The following SULT1B1 variants were observed in gnomAD, a reference collection of about 807,000 sequenced individuals.
The protein encoded by SULT1B1 is sulfotransferase 1B1.
A neutral mutation model predicts 34.6 loss-of-function variants in SULT1B1; 28 were observed. The ratio of observed to expected loss-of-function variants is 0.81; its 90% confidence interval spans 0.60 to 1.11. The LOEUF is 1.11. Among genes scored for constraint, SULT1B1 ranks in the 50% least tolerant of loss-of-function variants. The probability of loss-of-function intolerance (pLI) is 0.00; values close to 1 mark genes in which losing one functional copy is unlikely to be tolerated. For synonymous variants in SULT1B1, 147 were observed against 110.2 expected (o/e 1.33, Z -2.09); for missense variants, 374 against 352.2 (o/e 1.06, Z -0.50).
Position 69,726,539 on chromosome 4 carries a change from A to G in SULT1B1, c.*549T>C, listed in dbSNP as rs1318012036. The G allele has an allele frequency of 6.6e-6, 1 of 151,980 alleles. No individual in the cohort carries two copies. The highest frequency in any genetic ancestry group is 1.9e-4 in the East Asian group (1 of 5,164). 9.4% of individuals were successfully genotyped at this position (151,980 alleles called of 1,614,324 possible). A position where few individuals can be genotyped will look rare whatever the true frequency, so the allele number is the denominator to read the frequency against. On this transcript the variant is annotated 3_prime_UTR_variant, in exon 8 of 8. Coordinates refer to ENST00000310613, the MANE Select transcript of SULT1B1 (RefSeq NM_014465.4). ...ATAGAAAAAAGATTTCCAAAATCTG[A>G]ACTACATGATCGGGGACATGAACTT...
At chr4:69,743,493 C>A (rs1718630854) in intron 4 of SULT1B1, among the ~76,000 whole-genome samples, 1 of 152,176 alleles carries the variant, frequency 6.6e-6, no homozygotes, top group Non-Finnish European at 1.5e-5. Flanking sequence ...GACCAGCAGC[C>A]CAGCTCCCAG....
intron 7 of SULT1B1, among the ~76,000 whole-genome samples, 196 bp from the exon 8 acceptor site, chr4:69,727,396 A>G (rs1396196256): frequency 6.6e-6 from 1 of 152,024 alleles, no homozygotes; most frequent in Non-Finnish European, 1.5e-5. Context: ...ACATCTGGAA[A>G]GGTGGTTTAT....
chr4:69,746,515 T>C (rs1718751168), intron 4 of SULT1B1, among the ~76,000 whole-genome samples: 1 of 152,238 alleles, frequency 6.6e-6, no homozygotes, highest in Non-Finnish European at 1.5e-5. Context: ...TCCCATTGTA[T>C]TATGAAGTTC....
At chr4:69,759,134 A>G (rs1050041890) in intron 1 of SULT1B1, among the ~76,000 whole-genome samples, 1 of 152,244 alleles carries the variant, frequency 6.6e-6, no homozygotes, top group Non-Finnish European at 1.5e-5. Context: ...TGCTTCATGT[A>G]TATGATCTCT....
intron 4 of SULT1B1, among the ~76,000 whole-genome samples, chr4:69,736,250 C>A (rs1718304399): frequency 6.6e-6 from 1 of 152,142 alleles, no homozygotes; most frequent in Admixed American, 6.6e-5. Flanking sequence ...GTGCTCTGCA[C>A]CTGTAAATAA....
At position 69,721,887 on chromosome 4, in the gene SULT1B1, T is replaced by G. The variant is rs1408772076; in HGVS notation, c.*5201A>C. 6.6e-6 allele frequency: 1 copy of G among 152,124 alleles called. No homozygotes were observed. The highest frequency in any genetic ancestry group is 1.5e-5 in the Non-Finnish European group (1 of 67,964). 9.4% of individuals were successfully genotyped at this position (152,124 alleles called of 1,614,324 possible). On this transcript the variant is annotated 3_prime_UTR_variant, in exon 8 of 8. Coordinates refer to ENST00000310613, the MANE Select transcript of SULT1B1 (RefSeq NM_014465.4). Reference sequence around the variant, plus strand: ...ACATCATGGTTCTGTTAGAGAAAGATTGTAATATGAGATTATTTTAAGTGT... The same window carrying G: ...ACATCATGGTTCTGTTAGAGAAAGAGTGTAATATGAGATTATTTTAAGTGT...
At position 69,734,879 on chromosome 4, in the gene SULT1B1, T is replaced by C. The variant is rs954487745; in HGVS notation, c.376-615A>G. On this transcript the variant is annotated intron_variant, in intron 4 of 7. Transcript: ENST00000310613. ...TGTCGCCCAGGCTGGAGTGCAGTGG[T>C]GCGATCTCAGCTCACTGCAAGCTCC... Among the ~76,000 whole-genome samples, 50 of 148,496 alleles carry C rather than the reference T, an allele frequency of 3.4e-4. No individual in the cohort carries two copies. In the East Asian group the frequency reaches 4.8e-3, roughly 14 times the overall value.
chr4:69,754,703 A>G lies in SULT1B1; in HGVS notation c.244T>C (p.Leu82=). 1 of 1,613,370 alleles carries G rather than the reference A, an allele frequency of 6.2e-7. No homozygotes were observed. Among genetic ancestry groups the G allele is most frequent in the East Asian group, 2.2e-5 (1 of 44,758 alleles). ...RGFITEKVPM[L]EMTLPGLRTS... ...CTTAATCCAGGGAGAGTCATTTCCA[A>G]CATTGGAACTTTTTCAGTAATAAAA... The change falls in exon 3 of 8, where the codon TTG becomes CTG. Residue 82 remains leucine (L), a synonymous_variant. Coordinates refer to ENST00000310613, the MANE Select transcript of SULT1B1 (RefSeq NM_014465.4).
chr4:69,747,570 C>A (rs1382042574), intron 4 of SULT1B1, among the ~76,000 whole-genome samples: 2 of 152,168 alleles, frequency 1.3e-5, no homozygotes, highest in Non-Finnish European at 2.9e-5. Flanking sequence ...GCTAAAGCCA[C>A]CTAAAGAAAT....
Position 69,724,986 on chromosome 4 carries a change from A to T in SULT1B1, c.*2102T>A, listed in dbSNP as rs1717760383. 1.3e-5 allele frequency: 2 copies of T among 152,190 alleles called. No individual in the cohort carries two copies. The highest frequency in any genetic ancestry group is 4.1e-4 in the South Asian group (2 of 4,832). The allele number at this position is 152,190 out of a possible 1,614,324, so 9.4% of individuals were successfully genotyped here. A position where few individuals can be genotyped will look rare whatever the true frequency, so the allele number is the denominator to read the frequency against. Reference sequence around the variant, plus strand: ...GCAAGGACTTCATGTCTAAAACACCAAAAGCAATGGCAACAAAAGCCAAAA... The same window carrying T: ...GCAAGGACTTCATGTCTAAAACACCTAAAGCAATGGCAACAAAAGCCAAAA... On this transcript the variant is annotated 3_prime_UTR_variant, in exon 8 of 8. Transcript: ENST00000310613.
Position 69,723,369 on chromosome 4 carries a change from A to G in SULT1B1, c.*3719T>C, listed in dbSNP as rs1310719277. 3 of 152,126 alleles carry G rather than the reference A, an allele frequency of 2.0e-5. No individual in the cohort carries two copies. Among genetic ancestry groups the G allele is most frequent in the Middle Eastern group, 3.2e-3 (1 of 316 alleles). The allele number at this position is 152,126 out of a possible 1,614,324, so 9.4% of individuals were successfully genotyped here. On this transcript the variant is annotated 3_prime_UTR_variant, in exon 8 of 8. Transcript: ENST00000310613. ...ATAGAAAAATAACATGCTCTGAAAT[A>G]GAGGCAATAATTAATAGCTTACCAA...
Position 69,730,598 on chromosome 4 carries a change from G to A in SULT1B1, c.681C>T (p.His227=). 3.7e-6 allele frequency: 6 copies of A among 1,613,196 alleles called. No homozygotes were observed. The highest frequency in any genetic ancestry group is 5.1e-6 in the Non-Finnish European group (6 of 1,179,516). ...NDEILDRIIH[H]TSFEVMKDNP... is the part of the protein sequence containing the mutation. Reference sequence around the variant, plus strand: ...TGTCCTTCATCACTTCAAATGAGGTGTGATGGATGATCCTATCCAAGATCT... The same window carrying A: ...TGTCCTTCATCACTTCAAATGAGGTATGATGGATGATCCTATCCAAGATCT... Residue 227 remains histidine (H), a synonymous_variant, in exon 7 of 8, where the codon CAC becomes CAT. Coordinates refer to ENST00000310613, the MANE Select transcript of SULT1B1 (RefSeq NM_014465.4).
In SULT1B1 at chr4:69,727,010, C is replaced by A. The variant is rs1232126799; in HGVS notation, c.*78G>T. 3 of 1,002,080 alleles carry A rather than the reference C, an allele frequency of 3.0e-6. No homozygotes were observed. Among genetic ancestry groups the A allele is most frequent in the Non-Finnish European group, 2.9e-6 (2 of 694,132 alleles). 62.1% of individuals were successfully genotyped at this position (1,002,080 alleles called of 1,614,324 possible). On this transcript the variant is annotated 3_prime_UTR_variant, in exon 8 of 8. Transcript: ENST00000310613. Reference sequence around the variant, plus strand: ...TCCTTTATAAATTCATTTGATTGCCCAAATCAATTCATAACTGCCCTCGTT... The same window carrying A: ...TCCTTTATAAATTCATTTGATTGCCAAAATCAATTCATAACTGCCCTCGTT...
chr4:69,726,046 A>T lies in SULT1B1; in HGVS notation c.*1042T>A, dbSNP rs1717825080. 1 of 73,484 alleles carries T rather than the reference A, an allele frequency of 1.4e-5. No individual in the cohort carries two copies. Among genetic ancestry groups the T allele is most frequent in the Non-Finnish European group, 2.5e-5 (1 of 39,590 alleles). The allele number at this position is 73,484 out of a possible 1,614,324, so 4.6% of individuals were successfully genotyped here. A position where few individuals can be genotyped will look rare whatever the true frequency, so the allele number is the denominator to read the frequency against. On this transcript the variant is annotated 3_prime_UTR_variant, in exon 8 of 8. Transcript: ENST00000310613. ...TAATAAAATGTACATATATATATAT[A>T]TATATATATATATATATATATATAT...
At chr4:69,760,301 C>T in intron 1 of SULT1B1, 158 bp downstream of exon 1, 1 of 729,114 alleles carries the variant, frequency 1.4e-6, no homozygotes, top group Non-Finnish European at 1.7e-6. Context: ...AGATTTTAGA[C>T]AGCATAAACA....
chr4:69,753,943 C>A (rs902395633), intron 3 of SULT1B1, among the ~76,000 whole-genome samples: 1 of 152,134 alleles, frequency 6.6e-6, no homozygotes, highest in Admixed American at 6.5e-5. Flanking sequence ...TGTCACATTC[C>A]TTCCTTCCAT....
At chr4:69,734,326 A>G (rs1718215790) in intron 4 of SULT1B1, 62 bp from the exon 5 acceptor site, 1 of 1,557,034 alleles carries the variant, frequency 6.4e-7, no homozygotes, top group Non-Finnish European at 8.7e-7. Context: ...TTTAGGAAAA[A>G]ATTAACCTAT....
intron 4 of SULT1B1, among the ~76,000 whole-genome samples, chr4:69,745,764 GT>G (rs1157481278): frequency 1.7e-4 from 26 of 152,234 alleles, no homozygotes; most frequent in African/African-American, 6.3e-4. Context: ...CTGTCAGATG[GT>G]TATTATGTAG....
At chr4:69,736,586 A>G (rs903600141) in intron 4 of SULT1B1, among the ~76,000 whole-genome samples, 1 of 152,194 alleles carries the variant, frequency 6.6e-6, no homozygotes, top group African/African-American at 2.4e-5. Flanking sequence ...GTATACCCAC[A>G]AAAGTTAAAA....
Sources: allele counts gnomAD v4.1 joint callset (sites outside exome capture counted in the v4.1 genomes callset), GRCh38; gene constraint gnomAD v4.1.1; transcripts MANE v1.5; gene names NCBI Gene and HGNC (gene_info 2026-07-23, HGNC 2026-07-21).